The following KANK4 variants were observed in gnomAD, a reference collection of about 807,000 sequenced individuals.
The protein encoded by KANK4 is KN motif and ankyrin repeat domains 4, also known as KN motif and ankyrin repeat domain-containing protein 4.
A neutral mutation model predicts 80.8 loss-of-function variants in KANK4; 50 were observed. That is an observed-to-expected ratio of 0.62 (90% CI 0.49 to 0.78). KANK4 has a LOEUF of 0.78. Among genes scored for constraint, KANK4 ranks in the 30% least tolerant of loss-of-function variants. The pLI is 0.00. For synonymous variants in KANK4, 465 were observed against 506.9 expected (o/e 0.92, Z 1.11); for missense variants, 1,196 against 1,240.1 (o/e 0.96, Z 0.53).
chr1:62,317,394 T>TG (rs1428567955), intron 1 of KANK4, among the ~76,000 whole-genome samples: 1 of 152,154 alleles, frequency 6.6e-6, no homozygotes, highest in East Asian at 1.9e-4. Context: ...GGTGCACACA[T>TG]GGGGCAGTGA....
rs772427825 is a variant in KANK4 at position 62,263,262 on chromosome 1, C to T, written c.2369G>A (p.Arg790Gln). Residue 790 changes from arginine (R) to glutamine (Q), a missense_variant, in exon 7 of 10, where the codon CGG becomes CAG. Physicochemically the swap from Arg to Gln is conservative, Grantham distance 43. This residue lies in a region of KANK4 where 1,154 missense variants were observed against 1,179.6 expected (regional missense o/e 0.98). Transcript: ENST00000371153. Reference sequence around the variant, plus strand: ...CACCACGGCGGGGCTAGACGACTTCCGGCTGGAGACGCGGAACCACTCTTG... The same window carrying T: ...CACCACGGCGGGGCTAGACGACTTCTGGCTGGAGACGCGGAACCACTCTTG... ...ISQEWFRVSS[R>Q]KSSSPAVVAS... The T allele has an allele frequency of 9.9e-6, 16 of 1,613,400 alleles. No individual in the cohort carries two copies. Among genetic ancestry groups the T allele is most frequent in the Admixed American group, 5.0e-5 (3 of 59,810 alleles).
At chr1:62,271,972 T>C (rs1048700052) in intron 3 of KANK4, 1 of 192,654 alleles carries the variant, frequency 5.2e-6, no homozygotes, top group South Asian at 1.2e-4. Context: ...GGCACCTCAG[T>C]GGTCCTTCCT....
At chr1:62,300,057 C>T (rs1644399098) in intron 1 of KANK4, among the ~76,000 whole-genome samples, 2 of 152,246 alleles carry the variant, frequency 1.3e-5, no homozygotes, top group African/African-American at 2.4e-5. Flanking sequence ...ATGCCTCCTT[C>T]ACCACAGTCC....
At chr1:62,284,049 G>C (rs1672507905) in intron 1 of KANK4, among the ~76,000 whole-genome samples, 1 of 151,946 alleles carries the variant, frequency 6.6e-6, no homozygotes, top group South Asian at 2.1e-4. Context: ...TACTCTAAAG[G>C]GCTCATAATA....
At chr1:62,257,384 T>C (rs1671776325) in intron 7 of KANK4, among the ~76,000 whole-genome samples, 1 of 152,162 alleles carries the variant, frequency 6.6e-6, no homozygotes, top group Non-Finnish European at 1.5e-5. Context: ...CACTGCATCC[T>C]GCCAGGACCC....
At chr1:62,260,179 T>C (rs2765270) in intron 7 of KANK4, among the ~76,000 whole-genome samples, 106,480 of 152,034 alleles carry the variant, frequency 0.7, 37,990 homozygotes, top group East Asian at 0.84. Context: ...AGCGTCTTGC[T>C]TCGGCTGCCC....
intron 1 of KANK4, among the ~76,000 whole-genome samples, chr1:62,300,268 T>C (rs1644401040): frequency 6.6e-6 from 1 of 152,148 alleles, no homozygotes; most frequent in Non-Finnish European, 1.5e-5. Context: ...AAAGAGACCC[T>C]TTTCTGTTCA....
At chr1:62,314,005 GT>G (rs1362803743) in intron 1 of KANK4, among the ~76,000 whole-genome samples, 1 of 151,936 alleles carries the variant, frequency 6.6e-6, no homozygotes, top group Non-Finnish European at 1.5e-5. Context: ...TTTTTGTTTT[GT>G]TTTGTTTTGA....
At chr1:62,288,215 G>A (rs1672610401) in intron 1 of KANK4, among the ~76,000 whole-genome samples, 1 of 152,130 alleles carries the variant, frequency 6.6e-6, no homozygotes, top group African/African-American at 2.4e-5. Context: ...CAAGAATCAC[G>A]GGACTGGAGG....
At chr1:62,281,865 T>C (rs554157393) in intron 1 of KANK4, among the ~76,000 whole-genome samples, 1 of 152,232 alleles carries the variant, frequency 6.6e-6, no homozygotes, top group Admixed American at 6.5e-5. Context: ...GAAGTGGAAG[T>C]ATTTGGTCCA....
At chr1:62,296,709 G>A (rs981653401) in intron 1 of KANK4, among the ~76,000 whole-genome samples, 6 of 151,836 alleles carry the variant, frequency 4.0e-5, no homozygotes, top group Admixed American at 3.3e-4. Flanking sequence ...ACACCACCAT[G>A]CCCGGCTAAT....
Position 62,274,946 on chromosome 1 carries a change from T to C in KANK4, c.158A>G (p.Lys53Arg), listed in dbSNP as rs1266559125. Residue 53 changes from lysine (K) to arginine (R), a missense_variant, in exon 3 of 10, where the codon AAA (lysine) becomes AGA (arginine). Physicochemically the swap from Lys to Arg is conservative, Grantham distance 26. Around this residue, in one of 3 missense-constraint regions of KANK4, gnomAD observed 1,154 missense variants for 1,179.6 expected, o/e 0.98. Coordinates refer to ENST00000371153, the MANE Select transcript of KANK4 (RefSeq NM_181712.5). ...GGCCCTTCTGTGGATAGGAATTCTT[T>C]TGATAGTGTTTCCCTTCTCGATGTC... ...VDDIEKGNTIKRIPIHRRAKQ... is the reference protein window; with the variant it reads ...VDDIEKGNTIRRIPIHRRAKQ... 5 of 1,614,104 alleles carry C rather than the reference T, an allele frequency of 3.1e-6. No homozygotes were observed. The highest frequency in any genetic ancestry group is 1.1e-5 in the South Asian group (1 of 91,074).
At chr1:62,258,517 G>A (rs1671802179) in intron 7 of KANK4, among the ~76,000 whole-genome samples, 3 of 152,126 alleles carry the variant, frequency 2.0e-5, no homozygotes, top group South Asian at 2.1e-4. Flanking sequence ...CATTATGTAC[G>A]TTGCCTTTCC....
At chr1:62,251,083 A>T (rs1443818280) in intron 8 of KANK4, among the ~76,000 whole-genome samples, 2 of 152,168 alleles carry the variant, frequency 1.3e-5, no homozygotes, top group Non-Finnish European at 1.5e-5. Flanking sequence ...CAGCCTTGGA[A>T]GCTGGAGATA....
rs145442926 is a variant in KANK4, at chr1:62,300,726, G to A, written c.-71+18380C>T. Among the ~76,000 whole-genome samples the A allele has an allele frequency of 9.9e-5, 15 of 152,104 alleles. No homozygotes were observed. In the East Asian group the frequency reaches 2.9e-3, roughly 29 times the overall value. On this transcript the variant is annotated intron_variant, in intron 1 of 9. Coordinates refer to ENST00000371153, the MANE Select transcript of KANK4 (RefSeq NM_181712.5). ...CCATCAAAAGTTCTTAAGCAGGGAG[G>A]AACAAGACGAAAGCTGGGTTTTAAA...
At position 62,253,024 on chromosome 1, in the gene KANK4, C is replaced by T. The variant is rs368721566; in HGVS notation, c.2682+43G>A. 5.0e-6 allele frequency: 8 copies of T among 1,604,564 alleles called. No individual in the cohort carries two copies. The Admixed American group carries it at 6.8e-5, about 14-fold the overall frequency. ...CACTAGCAGAATAAAGCGGGAGGTG[C>T]CCCTGCATTTACTGAAGAGGAGATC... is the stretch of plus-strand genomic sequence containing the variant. On this transcript the variant is annotated intron_variant, in intron 8 of 9. Coordinates refer to ENST00000371153, the MANE Select transcript of KANK4 (RefSeq NM_181712.5).
At chr1:62,260,275 C>T (rs769793798) in intron 7 of KANK4, among the ~76,000 whole-genome samples, 1 of 152,056 alleles carries the variant, frequency 6.6e-6, no homozygotes, top group Middle Eastern at 3.4e-3. Context: ...TTGTATCTTT[C>T]ACCTTCCTCC....
At chr1:62,314,291 G>A (rs1199702090) in intron 1 of KANK4, among the ~76,000 whole-genome samples, 2 of 152,150 alleles carry the variant, frequency 1.3e-5, no homozygotes, top group Non-Finnish European at 2.9e-5. Context: ...TGGCATTAAG[G>A]TGTGAGCCAC....
At chr1:62,249,848 G>A (rs1570965729) in intron 8 of KANK4, among the ~76,000 whole-genome samples, 2 of 151,080 alleles carry the variant, frequency 1.3e-5, no homozygotes, top group Non-Finnish European at 3.0e-5. Context: ...CAGCACATCT[G>A]GTCAATTTTT....
Sources: allele counts gnomAD v4.1 joint callset (sites outside exome capture counted in the v4.1 genomes callset), GRCh38; gene constraint gnomAD v4.1.1; regional missense constraint gnomAD v4.1.1; transcripts MANE v1.5; gene names NCBI Gene and HGNC (gene_info 2026-07-23, HGNC 2026-07-21).